TCF12: variants seen among roughly 807,000 people sequenced by gnomAD.
TCF12 encodes DNA-binding protein HTF4.
TCF12 carries 45 observed loss-of-function variants against 86.0 expected under a neutral mutation model. The observed-to-expected ratio is 0.52, with a 90% CI of 0.41 to 0.67. The LOEUF is 0.67. TCF12 is among the 30% of genes least tolerant of loss of function. The pLI, the probability that TCF12 is intolerant of heterozygous loss-of-function variation, is 0.00. For missense variants in TCF12, 881 were observed against 859.9 expected (o/e 1.02, Z -0.31); for synonymous variants, 330 against 299.6 (o/e 1.10, Z -1.05).
At chr15:57,001,012 ATT>A (rs71113050) in intron 3 of TCF12, among the ~76,000 whole-genome samples, 1 of 126,726 alleles carries the variant, frequency 7.9e-6, no homozygotes, top group Admixed American at 8.7e-5. Flanking sequence ...TTTAAAAAAA[ATT>A]TTTTTTTTTT....
At chr15:57,106,168 A>G (rs1363280208) in intron 5 of TCF12, among the ~76,000 whole-genome samples, 5 of 152,254 alleles carry the variant, frequency 3.3e-5, no homozygotes, top group Non-Finnish European at 7.3e-5. Context: ...TAGAAATGAT[A>G]CATATCTAAA....
At position 56,972,068 on chromosome 15, in the gene TCF12, G is replaced by T. The variant is rs186002019; in HGVS notation, c.148+50970G>T. Among the ~76,000 whole-genome samples, 4 of 152,256 alleles carry T rather than the reference G, an allele frequency of 2.6e-5. No individual in the cohort carries two copies. In the East Asian group the frequency reaches 7.7e-4, roughly 29 times the overall value. On this transcript the variant is annotated intron_variant, in intron 3 of 20. Transcript: ENST00000333725. ...GTATTTTAAATAGGTGAATTATAGG[G>T]TATATGAATTTTATCTCAATAAAGC...
At chr15:57,091,325 G>T (rs1327048612) in intron 4 of TCF12, among the ~76,000 whole-genome samples, 1 of 152,080 alleles carries the variant, frequency 6.6e-6, no homozygotes, top group Non-Finnish European at 1.5e-5. Context: ...TATTTTTAGG[G>T]TCTGGGGGCA....
At chr15:57,015,789 G>T (rs538943749) in intron 3 of TCF12, among the ~76,000 whole-genome samples, 2 of 152,196 alleles carry the variant, frequency 1.3e-5, no homozygotes, top group Admixed American at 1.3e-4. Flanking sequence ...AGTACTGTGG[G>T]CTTGTGCCCT....
chr15:57,024,216 C>CTTTTTTTTTTTTTT (rs59793819), intron 3 of TCF12, among the ~76,000 whole-genome samples: 1 of 111,298 alleles, frequency 9.0e-6, no homozygotes, highest in African/African-American at 3.1e-5. Flanking sequence ...AAAAAAGTGT[C>CTTTTTTTTTTTTTT]TTTTTTTTTT....
At chr15:56,976,690 C>T (rs1206633537) in intron 3 of TCF12, among the ~76,000 whole-genome samples, 3 of 152,002 alleles carry the variant, frequency 2.0e-5, no homozygotes, top group African/African-American at 4.8e-5. Context: ...GACAGTACCA[C>T]GTGTGAAGTG....
intron 8 of TCF12, among the ~76,000 whole-genome samples, chr15:57,205,382 G>A (rs912248043): frequency 2.6e-5 from 4 of 152,176 alleles, no homozygotes; most frequent in Admixed American, 2.6e-4. Flanking sequence ...GGAATAAATA[G>A]TATTTACATA....
chr15:57,239,150 G>A (rs1056584451), intron 12 of TCF12, among the ~76,000 whole-genome samples: 1 of 151,870 alleles, frequency 6.6e-6, no homozygotes, highest in Admixed American at 6.6e-5. Flanking sequence ...TCGGGAGTTC[G>A]AGACCAGCCT....
At chr15:57,190,876 A>C (rs1290028498) in intron 6 of TCF12, among the ~76,000 whole-genome samples, 1 of 152,192 alleles carries the variant, frequency 6.6e-6, no homozygotes, top group East Asian at 1.9e-4. Context: ...CAGATTAAGA[A>C]TCTGAAAAAG....
chr15:56,971,229 G>A (rs891820299), intron 3 of TCF12, among the ~76,000 whole-genome samples: 3 of 151,790 alleles, frequency 2.0e-5, no homozygotes, highest in Non-Finnish European at 4.4e-5. Flanking sequence ...TTCAAGAACA[G>A]CCAGGCCAAC....
In TCF12 at chr15:57,075,830, CTCTCT is replaced by C. The variant is rs1215580951; in HGVS notation, c.222+12009_222+12013del. Reference sequence around the variant, plus strand: ...TCTCTCTCTCTCTCTCTCTCTCTCTCTCTCTTTTCTTTCTTTCTTTCTTTCTTTCT... The same window carrying C: ...TCTCTCTCTCTCTCTCTCTCTCTCTCTTTCTTTCTTTCTTTCTTTCTTTCT... On this transcript the variant is annotated intron_variant, in intron 4 of 20. Coordinates refer to ENST00000333725, the MANE Select transcript of TCF12 (RefSeq NM_207037.2). Among the ~76,000 whole-genome samples, 78 of 50,322 alleles carry C rather than the reference CTCTCT, an allele frequency of 1.6e-3. 1 individual carries two copies. Among genetic ancestry groups the C allele is most frequent in the African/African-American group, 4.4e-3 (48 of 11,032 alleles). The allele number at this position is 50,322 out of a possible 152,430, so 33.0% of individuals were successfully genotyped here. A position where few individuals can be genotyped will look rare whatever the true frequency, so the allele number is the denominator to read the frequency against.
intron 3 of TCF12, among the ~76,000 whole-genome samples, chr15:57,018,653 C>T (rs1402156120): frequency 3.3e-5 from 5 of 151,864 alleles, no homozygotes; most frequent in Non-Finnish European, 7.4e-5. Flanking sequence ...GTTGCCCAGG[C>T]TGGTCTTGAA....
rs574719329 is a variant in TCF12, at chr15:57,194,384, T to A, written c.526+2091T>A. ...CTAAATAATTTGGCCAAGGCTTGAG[T>A]TGGGATATGGTAGTTCTCTTGGTGC... On this transcript the variant is annotated intron_variant, in intron 7 of 20. Coordinates refer to ENST00000333725, the MANE Select transcript of TCF12 (RefSeq NM_207037.2). 3.3e-5 allele frequency among the ~76,000 whole-genome samples: 5 copies of A among 152,232 alleles called. No homozygotes were observed. The South Asian group carries it at 1.0e-3, about 32-fold the overall frequency.
intron 3 of TCF12, among the ~76,000 whole-genome samples, chr15:56,933,150 C>G (rs1186215921): frequency 6.6e-6 from 1 of 151,988 alleles, no homozygotes; most frequent in South Asian, 2.1e-4. Flanking sequence ...ATTATTTCCC[C>G]TTTTTCAAAG....
chr15:57,210,429 A>G (rs2058053873), intron 8 of TCF12, among the ~76,000 whole-genome samples: 2 of 151,950 alleles, frequency 1.3e-5, no homozygotes, highest in African/African-American at 4.8e-5. Context: ...TTCAGGGAGG[A>G]AAAGAGAGAG....
intron 4 of TCF12, among the ~76,000 whole-genome samples, chr15:57,079,018 A>G (rs1027474973): frequency 2.6e-5 from 4 of 152,232 alleles, no homozygotes; most frequent in Non-Finnish European, 4.4e-5. Flanking sequence ...TTATGTGCAA[A>G]TGTAATTAAC....
At chr15:57,153,511 C>T (rs781325999) in intron 5 of TCF12, among the ~76,000 whole-genome samples, 7 of 152,056 alleles carry the variant, frequency 4.6e-5, no homozygotes, top group South Asian at 2.1e-4. Flanking sequence ...AAAAGACATA[C>T]GTTTCATCCT....
At chr15:57,190,257 A>G (rs1336930963) in intron 6 of TCF12, among the ~76,000 whole-genome samples, 1 of 152,220 alleles carries the variant, frequency 6.6e-6, no homozygotes. Context: ...TCAACTTTTT[A>G]AAAAGCTCAA....
chr15:56,989,251 G>T (rs1307542127), intron 3 of TCF12, among the ~76,000 whole-genome samples: 2 of 152,050 alleles, frequency 1.3e-5, no homozygotes, highest in African/African-American at 4.8e-5. Flanking sequence ...ATTTTAAATG[G>T]TTATAGTTTA....
Sources: gnomAD v4.1 joint callset for allele counts (sites outside exome capture counted in the v4.1 genomes callset) on GRCh38, gnomAD v4.1.1 for gene constraint, MANE v1.5 for transcripts, NCBI Gene and HGNC (gene_info 2026-07-23, HGNC 2026-07-21) for gene names.